IFT57: variants seen among roughly 807,000 people sequenced by gnomAD.
IFT57 encodes the protein intraflagellar transport 57.
In IFT57, 59 loss-of-function variants were observed where a neutral mutation model predicts 56.8. The ratio of observed to expected loss-of-function variants is 1.04; its 90% CI spans 0.84 to 1.29. The LOEUF (loss-of-function observed/expected upper bound fraction) is 1.29, where lower values mean the gene tolerates loss of function less well. Among genes scored for constraint, IFT57 ranks in the 50% most tolerant of loss-of-function variants. The pLI, the probability that IFT57 is intolerant of heterozygous loss-of-function variation, is 0.00. For synonymous variants in IFT57, 209 were observed against 186.1 expected, an observed-to-expected ratio of 1.12 and a Z score of -1.00; for missense variants, 470 against 522.1, an observed-to-expected ratio of 0.90 and a Z score of 0.97.
At chr3:108,167,081 A>G (rs1456097332) in intron 7 of IFT57, 96 bp from the exon 8 acceptor site, 1 of 1,061,172 alleles carries the variant, frequency 9.4e-7, no homozygotes, top group Non-Finnish European at 1.4e-6. Context: ...TTCTACAAAT[A>G]ATCAACTACA....
chr3:108,203,832 A>G (rs2080293431), intron 5 of IFT57, among the ~76,000 whole-genome samples: 1 of 152,214 alleles, frequency 6.6e-6, no homozygotes, highest in Admixed American at 6.5e-5. Flanking sequence ...GAGAGGACAG[A>G]GAATGATTGG....
chr3:108,167,932 G>A, intron 6 of IFT57, 68 bp from the exon 7 acceptor site: 1 of 1,246,520 alleles, frequency 8.0e-7, no homozygotes, highest in African/African-American at 1.5e-5. Flanking sequence ...TACTTCTTGT[G>A]AAGTTGTAAC....
chr3:108,179,364 A>C (rs1446812235), intron 6 of IFT57, among the ~76,000 whole-genome samples: 1 of 151,992 alleles, frequency 6.6e-6, no homozygotes, highest in Non-Finnish European at 1.5e-5. Context: ...AAAAGGGGCA[A>C]GGAAAATACC....
Position 108,222,065 on chromosome 3 carries a change from C to T in IFT57, c.212+46G>A, listed in dbSNP as rs761324681. The T allele has an allele frequency of 2.2e-5, 35 of 1,556,012 alleles. 1 individual carries two copies. The South Asian group carries it at 4.1e-4, about 18-fold the overall frequency. ...CAGCAGGACCAAGGAGGGCATCTCC[C>T]TGGGGGCTAGCAGGCACCCGGGCGC... On this transcript the variant is annotated intron_variant, in intron 1 of 10. Transcript: ENST00000264538.
At chr3:108,196,019 G>A (rs1207618135) in intron 5 of IFT57, among the ~76,000 whole-genome samples, 1 of 152,070 alleles carries the variant, frequency 6.6e-6, no homozygotes. Flanking sequence ...ACAAAGAAAT[G>A]ATAAATGCTT....
At chr3:108,207,797 A>T (rs2080321372) in intron 4 of IFT57, among the ~76,000 whole-genome samples, 1 of 152,140 alleles carries the variant, frequency 6.6e-6, no homozygotes, top group Admixed American at 6.6e-5. Flanking sequence ...TAATCCCAGC[A>T]CTTTGGGAGG....
chr3:108,195,827 C>A (rs189985390), intron 5 of IFT57, among the ~76,000 whole-genome samples: 1 of 151,552 alleles, frequency 6.6e-6, no homozygotes, highest in East Asian at 1.9e-4. Flanking sequence ...AGAATGGTAG[C>A]GGGGAGGAGG....
chr3:108,213,197 G>C (rs1228054343), intron 4 of IFT57, among the ~76,000 whole-genome samples: 1 of 152,184 alleles, frequency 6.6e-6, no homozygotes, highest in African/African-American at 2.4e-5. Context: ...TATTAGTAAA[G>C]TTTTTGGGAG....
chr3:108,196,689 A>G (rs2080246139), intron 5 of IFT57, among the ~76,000 whole-genome samples: 1 of 152,204 alleles, frequency 6.6e-6, no homozygotes, highest in Non-Finnish European at 1.5e-5. Flanking sequence ...ACTCACTCGT[A>G]GGCCATAATT....
At chr3:108,162,734 CA>C in intron 10 of IFT57, 79 bp from the exon 11 acceptor site, 1 of 1,180,306 alleles carries the variant, frequency 8.5e-7, no homozygotes. Flanking sequence ...ACATTTTCCT[CA>C]CTTTGTCTTA....
chr3:108,167,097 A>C (rs1245055242), intron 7 of IFT57, 112 bp from the exon 8 acceptor site: 1 of 891,710 alleles, frequency 1.1e-6, no homozygotes, highest in Admixed American at 2.9e-5. Flanking sequence ...CTACATGTGC[A>C]AAAGAAGACA....
intron 6 of IFT57, among the ~76,000 whole-genome samples, chr3:108,176,699 T>C (rs893407726): frequency 9.2e-5 from 14 of 151,854 alleles, no homozygotes; most frequent in Non-Finnish European, 2.1e-4. Context: ...AGGACTCTCC[T>C]TCAAACAAAA....
At chr3:108,176,697 C>T (rs535163090) in intron 6 of IFT57, among the ~76,000 whole-genome samples, 135 of 151,940 alleles carry the variant, frequency 8.9e-4, no homozygotes, top group African/African-American at 3.0e-3. Flanking sequence ...ATAGGACTCT[C>T]CTTCAAACAA....
At chr3:108,172,135 C>G (rs1369492366) in intron 6 of IFT57, among the ~76,000 whole-genome samples, 1 of 151,834 alleles carries the variant, frequency 6.6e-6, no homozygotes, top group Non-Finnish European at 1.5e-5. Flanking sequence ...ATAGTGTACA[C>G]TGATGTAAAA....
chr3:108,180,967 T>C (rs1002112416), intron 6 of IFT57, among the ~76,000 whole-genome samples: 2 of 152,042 alleles, frequency 1.3e-5, no homozygotes, highest in Non-Finnish European at 2.9e-5. Flanking sequence ...CAGTGAGGCA[T>C]TAGCAACTTC....
At chr3:108,166,212 G>A (rs1170377049) in intron 8 of IFT57, among the ~76,000 whole-genome samples, 1 of 151,998 alleles carries the variant, frequency 6.6e-6, no homozygotes, top group African/African-American at 2.4e-5. Flanking sequence ...ACTGATGTTT[G>A]CAACTGTCCT....
rs184878288 is a variant in IFT57, at chr3:108,188,099, C to A, written c.777+3422G>T. ...CTATCCTTCCCCCCTCCTCCCACCC[C>A]ACAACAGGCCCCAGTGTGTGATGTT... On this transcript the variant is annotated intron_variant, in intron 6 of 10. Coordinates refer to ENST00000264538, the MANE Select transcript of IFT57 (RefSeq NM_018010.4). Among the ~76,000 whole-genome samples the A allele has an allele frequency of 2.2e-3, 335 of 152,126 alleles. 1 individual carries two copies. Among genetic ancestry groups the A allele is most frequent in the Non-Finnish European group, 2.8e-3 (192 of 68,000 alleles).
chr3:108,167,127 A>G, intron 7 of IFT57, 142 bp from the exon 8 acceptor site: 1 of 653,832 alleles, frequency 1.5e-6, no homozygotes, highest in Non-Finnish European at 2.5e-6. Flanking sequence ...TTTCAATAGC[A>G]CAAAATATCT....
intron 3 of IFT57, 125 bp downstream of exon 3, chr3:108,218,410 G>T: frequency 6.2e-6 from 3 of 482,914 alleles, no homozygotes; most frequent in Non-Finnish European, 7.4e-6. Flanking sequence ...TTAATTATCT[G>T]TGGCATTTTC....
Sources: gnomAD v4.1 joint callset for allele counts (sites outside exome capture counted in the v4.1 genomes callset) on GRCh38, gnomAD v4.1.1 for gene constraint, MANE v1.5 for transcripts, NCBI Gene and HGNC (gene_info 2026-07-23, HGNC 2026-07-21) for gene names.